The following CCNY variants were observed in gnomAD, a reference collection of about 807,000 sequenced individuals.
CCNY encodes the protein cyclin Y, also known as cyclin-Y.
A neutral mutation model predicts 42.8 loss-of-function variants in CCNY; 19 were observed. The ratio of observed to expected loss-of-function variants is 0.44; its 90% CI spans 0.31 to 0.65. The LOEUF (loss-of-function observed/expected upper bound fraction) is 0.65, where lower values mean the gene tolerates loss of function less well. Ranked by LOEUF, CCNY falls within the 30% of genes least tolerant of loss-of-function variation. The probability of loss-of-function intolerance (pLI) is 0.07; values close to 1 mark genes in which losing one functional copy is unlikely to be tolerated. For synonymous variants in CCNY, 165 were observed against 162.7 expected (o/e 1.01, Z -0.11); for missense variants, 370 against 437.3 (o/e 0.85, Z 1.37).
intron 1 of CCNY, among the ~76,000 whole-genome samples, chr10:35,380,742 C>G (rs1837164979): frequency 6.6e-6 from 1 of 152,184 alleles, no homozygotes; most frequent in Non-Finnish European, 1.5e-5. Flanking sequence ...TGGGGTCTCC[C>G]AGTCCGCAGC....
chr10:35,313,701 G>A (rs919882028), intron 3 of CCNY, among the ~76,000 whole-genome samples: 3 of 152,156 alleles, frequency 2.0e-5, no homozygotes, highest in African/African-American at 7.2e-5. Flanking sequence ...GGCTGGGCAC[G>A]GTGGCTCATG....
At chr10:35,473,109 T>G (rs1248919659) in intron 1 of CCNY, among the ~76,000 whole-genome samples, 1 of 152,250 alleles carries the variant, frequency 6.6e-6, no homozygotes, top group Admixed American at 6.5e-5. Context: ...GGGTCACATA[T>G]TTTATTCTTC....
Position 35,572,087 on chromosome 10 carries a change from T to C in CCNY, c.*2917T>C, listed in dbSNP as rs1214061995. On this transcript the variant is annotated 3_prime_UTR_variant, in exon 10 of 10. Coordinates refer to ENST00000374704, the MANE Select transcript of CCNY (RefSeq NM_145012.6). ...TTCATGCATGAGGTGAGGCCAGAGG[T>C]GTGGGCACCTGTACCTGCCTCCTCT... 6.6e-6 allele frequency: 1 copy of C among 151,514 alleles called. No homozygotes were observed. The highest frequency in any genetic ancestry group is 2.4e-5 in the African/African-American group (1 of 41,170). 9.4% of individuals were successfully genotyped at this position (151,514 alleles called of 1,614,324 possible).
chr10:35,554,332 TC>T (rs1841320512), intron 8 of CCNY, among the ~76,000 whole-genome samples: 2 of 152,330 alleles, frequency 1.3e-5, no homozygotes, highest in South Asian at 2.1e-4. Context: ...CAGAGCCTAT[TC>T]CTGCTGCAGA....
At chr10:35,273,005 T>A (rs918724084) in intron 3 of CCNY, among the ~76,000 whole-genome samples, 1 of 152,062 alleles carries the variant, frequency 6.6e-6, no homozygotes. Context: ...TTGATTTGCC[T>A]TTCTCTAATG....
chr10:35,502,404 A>C (rs1840128979), intron 3 of CCNY, among the ~76,000 whole-genome samples: 1 of 152,148 alleles, frequency 6.6e-6, no homozygotes, highest in Admixed American at 6.5e-5. Context: ...AAGATCTTGA[A>C]ATAGTCCTAA....
chr10:35,514,094 A>AAAC (rs1840378894), intron 3 of CCNY, among the ~76,000 whole-genome samples: 1 of 151,532 alleles, frequency 6.6e-6, no homozygotes, highest in Non-Finnish European at 1.5e-5. Flanking sequence ...AAAAAAAAAA[A>AAAC]AAACAGAGAC....
At chr10:35,331,728 T>C (rs924059059), upstream of CCNY, among the ~76,000 whole-genome samples, 1 of 152,188 alleles carries the variant, frequency 6.6e-6, no homozygotes, top group Admixed American at 6.5e-5. Context: ...GAATTTTTAT[T>C]TGGACGCACA....
intron 3 of CCNY, among the ~76,000 whole-genome samples, chr10:35,252,490 T>C (rs1487394987): frequency 1.1e-4 from 15 of 137,704 alleles, no homozygotes; most frequent in Admixed American, 2.6e-4. Context: ...GGCGTGAACC[T>C]GGGAAGCGGA....
chr10:35,382,031 G>A (rs1837196925), intron 1 of CCNY, among the ~76,000 whole-genome samples: 1 of 152,166 alleles, frequency 6.6e-6, no homozygotes, highest in South Asian at 2.1e-4. Flanking sequence ...AACTATTACT[G>A]AAAATAATTT....
intron 1 of CCNY, among the ~76,000 whole-genome samples, chr10:35,359,691 T>C (rs2135152933): frequency 6.6e-6 from 1 of 152,262 alleles, no homozygotes; most frequent in Admixed American, 6.5e-5. Context: ...TTCACATTGC[T>C]GTGCAACCAT....
chr10:35,425,530 G>GTTA (rs1413151243), intron 1 of CCNY, among the ~76,000 whole-genome samples: 7 of 152,192 alleles, frequency 4.6e-5, no homozygotes, highest in Non-Finnish European at 8.8e-5. Flanking sequence ...AGAGTGGGAT[G>GTTA]TTATATATGG....
intron 3 of CCNY, among the ~76,000 whole-genome samples, chr10:35,299,453 G>T (rs1268610406): frequency 2.0e-5 from 3 of 152,136 alleles, no homozygotes; most frequent in Non-Finnish European, 4.4e-5. Context: ...TCTACAACTG[G>T]GTGCATTCAC....
intron 1 of CCNY, among the ~76,000 whole-genome samples, chr10:35,432,610 C>A (rs375738977): frequency 2.4e-4 from 36 of 152,284 alleles, no homozygotes; most frequent in African/African-American, 8.2e-4. Flanking sequence ...ATATATCTGT[C>A]CACCAGCCAT....
chr10:35,538,031 C>G (rs996542775), intron 7 of CCNY, among the ~76,000 whole-genome samples: 3 of 152,068 alleles, frequency 2.0e-5, no homozygotes, highest in African/African-American at 7.2e-5. Flanking sequence ...TGGTTTCCCC[C>G]ATACTGTTCT....
intron 1 of CCNY, among the ~76,000 whole-genome samples, chr10:35,412,040 T>TGGGTCTGAGACATGCTGTTGTGGGTCTGA (rs1397182979): frequency 1.3e-5 from 2 of 152,112 alleles, no homozygotes; most frequent in African/African-American, 2.4e-5. Context: ...AGCTCCTGTG[T>TGGGTCTGAGACATGCTGTTGTGGGTCTGA]GGGTCTGAGA....
In CCNY at chr10:35,369,261, G is replaced by A. The variant is rs546479529; in HGVS notation, c.154+32054G>A. Among the ~76,000 whole-genome samples the A allele has an allele frequency of 2.0e-5, 3 of 152,328 alleles. No individual in the cohort carries two copies. In the East Asian group the frequency reaches 5.8e-4, roughly 29 times the overall value. The stretch of plus-strand genomic sequence containing the variant: ...AGCGGGACAGGAACAGAGCAGGATG[G>A]TGAGGCTTGAGGTCCCACTTGTGAC... On this transcript the variant is annotated intron_variant, in intron 1 of 9. Transcript: ENST00000374704.
At chr10:35,366,782 G>A (rs943607085) in intron 1 of CCNY, among the ~76,000 whole-genome samples, 15 of 152,246 alleles carry the variant, frequency 9.9e-5, no homozygotes, top group Admixed American at 5.2e-4. Context: ...CACTAGCCAC[G>A]TGTGGCAGTC....
intron 1 of CCNY, among the ~76,000 whole-genome samples, chr10:35,458,880 A>G (rs921466152): frequency 6.6e-6 from 1 of 152,204 alleles, no homozygotes; most frequent in Non-Finnish European, 1.5e-5. Context: ...ACTTCTAAAG[A>G]ACGAGAGAGT....
Sources: gnomAD v4.1 joint callset for allele counts (sites outside exome capture counted in the v4.1 genomes callset) on GRCh38, gnomAD v4.1.1 for gene constraint, MANE v1.5 for transcripts, NCBI Gene and HGNC (gene_info 2026-07-23, HGNC 2026-07-21) for gene names.